The following FAIM variants were observed in gnomAD, a reference collection of about 807,000 sequenced individuals.
FAIM encodes the protein Fas apoptotic inhibitory molecule.
A neutral mutation model predicts 21.2 loss-of-function variants in FAIM; 14 were observed. The observed-to-expected ratio is 0.66, with a 90% confidence interval of 0.44 to 1.03. FAIM has a LOEUF of 1.03. FAIM is among the 50% of genes least tolerant of loss of function. FAIM has a pLI of 0.00. For missense variants in FAIM, 222 were observed against 247.1 expected, an observed-to-expected ratio of 0.90 and a Z score of 0.68; for synonymous variants, 86 against 80.4, an observed-to-expected ratio of 1.07 and a Z score of -0.37.
intron 3 of FAIM, among the ~76,000 whole-genome samples, 161 bp from the exon 4 acceptor site, chr3:138,622,027 G>T (rs1157197173): frequency 6.6e-6 from 1 of 152,028 alleles, no homozygotes; most frequent in Non-Finnish European, 1.5e-5. Flanking sequence ...TGATCCGCCC[G>T]CCTCAGCCTC....
intron 4 of FAIM, 43 bp from the exon 5 acceptor site, chr3:138,629,064 A>G: frequency 1.4e-6 from 2 of 1,448,164 alleles, no homozygotes; most frequent in South Asian, 1.2e-5. Flanking sequence ...TTTATCTTTA[A>G]ATCACAGAAT....
chr3:138,630,640 C>A (rs933510931), intron 5 of FAIM: 7 of 152,006 alleles, frequency 4.6e-5, no homozygotes, highest in Non-Finnish European at 1.0e-4. Flanking sequence ...ATTTTATGGC[C>A]CCCTTTGGAA....
chr3:138,627,530 T>G (rs1238724445), intron 4 of FAIM, among the ~76,000 whole-genome samples: 4 of 152,176 alleles, frequency 2.6e-5, no homozygotes, highest in African/African-American at 9.7e-5. Context: ...CTTTTAGGGC[T>G]TCTGGATTAG....
chr3:138,633,107 CAGG>C lies in FAIM; in HGVS notation c.*30_*32del. 6.2e-7 allele frequency: 1 copy of C among 1,602,892 alleles called. No individual in the cohort carries two copies. The highest frequency in any genetic ancestry group is 8.5e-7 in the Non-Finnish European group (1 of 1,172,532). On this transcript the variant is annotated 3_prime_UTR_variant, in exon 6 of 6. Coordinates refer to ENST00000360570, the MANE Select transcript of FAIM (RefSeq NM_001033031.2). ...AATTTTCATCTTAAGAAGTAAAGAT[CAGG>C]ACTTTTTAATTACTGTGGTAATTAA... is the stretch of plus-strand genomic sequence containing the variant.
chr3:138,630,316 A>G (rs1447615366), intron 5 of FAIM: 1 of 152,064 alleles, frequency 6.6e-6, no homozygotes, highest in African/African-American at 2.4e-5. Flanking sequence ...AAAACCAGAA[A>G]TCAAAAATTA....
intron 1 of FAIM, among the ~76,000 whole-genome samples, chr3:138,613,293 T>TA (rs1363346084): frequency 2.6e-5 from 4 of 152,120 alleles, no homozygotes; most frequent in African/African-American, 9.7e-5. Flanking sequence ...TTGCTGGGAT[T>TA]ACAGGTGTGA....
At position 138,629,297 on chromosome 3, in the gene FAIM, T is replaced by C. The variant is rs780380017; in HGVS notation, c.456+141T>C. ...AAAAAAGGGATTAAGTACTCCTGACTTCAGATTCTGAAAACCTTTGCCAGA... is the reference window on the plus strand; with the variant it reads ...AAAAAAGGGATTAAGTACTCCTGACCTCAGATTCTGAAAACCTTTGCCAGA... On this transcript the variant is annotated intron_variant, in intron 5 of 5. Coordinates refer to ENST00000360570, the MANE Select transcript of FAIM (RefSeq NM_001033031.2). 8.1e-6 allele frequency: 5 copies of C among 614,420 alleles called. No homozygotes were observed. The East Asian group carries it at 1.5e-4, about 19-fold the overall frequency. The allele number at this position is 614,420 out of a possible 1,614,324, so 38.1% of individuals were successfully genotyped here. A position where few individuals can be genotyped will look rare whatever the true frequency, so the allele number is the denominator to read the frequency against.
intron 4 of FAIM, among the ~76,000 whole-genome samples, chr3:138,624,441 T>C (rs1370272432): frequency 6.6e-6 from 1 of 152,186 alleles, no homozygotes; most frequent in Non-Finnish European, 1.5e-5. Flanking sequence ...ATTTTTCTGC[T>C]TTTACTCCTT....
intron 1 of FAIM, among the ~76,000 whole-genome samples, chr3:138,615,949 A>G (rs945754201): frequency 1.3e-5 from 2 of 152,252 alleles, no homozygotes; most frequent in African/African-American, 4.8e-5. Flanking sequence ...TTTCTTAAAC[A>G]TTAGATGGGA....
chr3:138,629,251 C>A, intron 5 of FAIM, 95 bp downstream of exon 5: 2 of 1,030,358 alleles, frequency 1.9e-6, no homozygotes, highest in Non-Finnish European at 1.5e-6. Flanking sequence ...TATAATGAAT[C>A]AAGGCCCTCT....
At chr3:138,615,301 A>G (rs1577007147) in intron 1 of FAIM, among the ~76,000 whole-genome samples, 1 of 152,366 alleles carries the variant, frequency 6.6e-6, no homozygotes, top group Admixed American at 6.5e-5. Flanking sequence ...TCAAACCATT[A>G]TAAGCCGGGG....
At position 138,615,726 on chromosome 3, in the gene FAIM, T is replaced by C. The variant is rs370644564; in HGVS notation, c.-16-3985T>C. Among the ~76,000 whole-genome samples, 4 of 152,340 alleles carry C rather than the reference T, an allele frequency of 2.6e-5. 1 individual carries two copies. The highest frequency in any genetic ancestry group is 6.5e-5 in the Admixed American group (1 of 15,296). On this transcript the variant is annotated intron_variant, in intron 1 of 5. Transcript: ENST00000360570. The stretch of plus-strand genomic sequence containing the variant: ...GATATGAATGGCCAAAAAACAGATG[T>C]CAGTCTGTTAACCTGTTGCATTTGT...
intron 1 of FAIM, among the ~76,000 whole-genome samples, chr3:138,612,415 C>A (rs1399418220): frequency 6.6e-6 from 1 of 152,130 alleles, no homozygotes; most frequent in Non-Finnish European, 1.5e-5. Flanking sequence ...CTGGCTATTT[C>A]ACTTAGCATA....
chr3:138,611,204 C>A (rs2042764750), intron 1 of FAIM, among the ~76,000 whole-genome samples: 1 of 152,010 alleles, frequency 6.6e-6, no homozygotes, highest in Admixed American at 6.5e-5. Flanking sequence ...CAGATGTTAT[C>A]ATCTTTTGGT....
intron 1 of FAIM, among the ~76,000 whole-genome samples, chr3:138,612,304 T>G (rs2042778895): frequency 6.6e-6 from 1 of 152,068 alleles, no homozygotes; most frequent in Non-Finnish European, 1.5e-5. Context: ...GGTTTCACCG[T>G]GTTAGCCAGG....
At chr3:138,629,494 C>T (rs982598121) in intron 5 of FAIM, 1 of 178,856 alleles carries the variant, frequency 5.6e-6, no homozygotes, top group East Asian at 1.4e-4. Context: ...TGTGTTGATC[C>T]ATTTGAAGTG....
At chr3:138,631,872 G>T (rs1459374962) in intron 5 of FAIM, among the ~76,000 whole-genome samples, 1 of 152,002 alleles carries the variant, frequency 6.6e-6, no homozygotes, top group Non-Finnish European at 1.5e-5. Flanking sequence ...AAGGAGCCAC[G>T]GGCCACATCC....
At chr3:138,626,108 T>G (rs1187711835) in intron 4 of FAIM, among the ~76,000 whole-genome samples, 1 of 152,200 alleles carries the variant, frequency 6.6e-6, no homozygotes, top group Non-Finnish European at 1.5e-5. Context: ...AGGACTCACC[T>G]GGGAAGTCCC....
chr3:138,630,043 G>A (rs1261090668), intron 5 of FAIM: 1 of 152,134 alleles, frequency 6.6e-6, no homozygotes, highest in East Asian at 1.9e-4. Flanking sequence ...TGGGGTCTGT[G>A]GGCCAAGCAG....
Sources: gnomAD v4.1 joint callset for allele counts (sites outside exome capture counted in the v4.1 genomes callset) on GRCh38, gnomAD v4.1.1 for gene constraint, MANE v1.5 for transcripts, NCBI Gene and HGNC (gene_info 2026-07-23, HGNC 2026-07-21) for gene names.